Variants in ZBTB20 observed in about 807,000 individuals in gnomAD.
ZBTB20 encodes zinc finger and BTB domain containing 20.
ZBTB20 carries 9 observed loss-of-function variants against 56.9 expected under a neutral mutation model. The observed-to-expected ratio is 0.16, with a 90% CI of 0.10 to 0.28. The LOEUF (loss-of-function observed/expected upper bound fraction) is 0.28, where lower values mean the gene tolerates loss of function less well. Among genes scored for constraint, ZBTB20 ranks in the 10% least tolerant of loss-of-function variants. The pLI is 1.00. For missense variants in ZBTB20, 655 were observed against 1,003.0 expected, an observed-to-expected ratio of 0.65 and a Z score of 4.69; for synonymous variants, 417 against 420.7, an observed-to-expected ratio of 0.99 and a Z score of 0.11.
intron 4 of ZBTB20, among the ~76,000 whole-genome samples, chr3:114,864,186 T>C (rs2075662033): frequency 1.3e-5 from 2 of 152,096 alleles, no homozygotes; most frequent in Non-Finnish European, 2.9e-5. Context: ...AGCATTCCCT[T>C]TCTGTTTGTA....
chr3:115,099,482 A>AAAT, intron 1 of ZBTB20, among the ~76,000 whole-genome samples: 1 of 152,200 alleles, frequency 6.6e-6, no homozygotes, highest in Non-Finnish European at 1.5e-5. Flanking sequence ...AGAAAACAGA[A>AAAT]TACCTTATTT....
chr3:115,112,995 T>C (rs1245328960), intron 1 of ZBTB20, among the ~76,000 whole-genome samples: 5 of 152,302 alleles, frequency 3.3e-5, no homozygotes, highest in Middle Eastern at 3.4e-3. Flanking sequence ...TTCTGACCAG[T>C]GTAAGATGTT....
chr3:114,586,989 C>CTTTTT (rs1195918426), intron 6 of ZBTB20, among the ~76,000 whole-genome samples: 41 of 77,004 alleles, frequency 5.3e-4, no homozygotes, highest in Non-Finnish European at 7.1e-4. Flanking sequence ...GTATAACTCC[C>CTTTTT]TTTTTTTTTT....
chr3:114,598,416 A>AAAAAG lies in ZBTB20; in HGVS notation c.-295+95111_-295+95112insCTTTT, dbSNP rs5851930. 2.7e-3 allele frequency among the ~76,000 whole-genome samples: 404 copies of AAAAAG among 150,430 alleles called. 4 individuals are homozygous for AAAAAG. Among genetic ancestry groups the AAAAAG allele is most frequent in the African/African-American group, 9.1e-3 (372 of 41,048 alleles). On this transcript the variant is annotated intron_variant, in intron 6 of 11. Coordinates refer to ENST00000675478, the MANE Select transcript of ZBTB20 (RefSeq NM_001348800.3). Reference sequence around the variant, plus strand: ...TACTGTAAAGTTGCTAAAAAAAAAAATAGACTTAAATGTGCTATATGACAG... The same window carrying AAAAAG: ...TACTGTAAAGTTGCTAAAAAAAAAAAAAAAGTAGACTTAAATGTGCTATATGACAG...
At chr3:114,511,402 G>C (rs2045369938) in intron 6 of ZBTB20, among the ~76,000 whole-genome samples, 1 of 152,070 alleles carries the variant, frequency 6.6e-6, no homozygotes, top group African/African-American at 2.4e-5. Flanking sequence ...GAGTTTTAAA[G>C]ATTTAGACTT....
chr3:115,106,232 CTTTTT>C (rs1271544340), intron 1 of ZBTB20, among the ~76,000 whole-genome samples: 1 of 130,550 alleles, frequency 7.7e-6, no homozygotes, highest in African/African-American at 2.8e-5. Context: ...CACAATAATT[CTTTTT>C]TTTTTTTTTT....
chr3:114,601,166 G>A (rs913906247), intron 6 of ZBTB20, among the ~76,000 whole-genome samples: 2 of 152,016 alleles, frequency 1.3e-5, no homozygotes, highest in South Asian at 2.1e-4. Context: ...AGTAAGAGCC[G>A]ACCTCAGCAT....
At chr3:114,551,445 G>A (rs957979205) in intron 6 of ZBTB20, among the ~76,000 whole-genome samples, 1 of 152,138 alleles carries the variant, frequency 6.6e-6, no homozygotes, top group African/African-American at 2.4e-5. Flanking sequence ...TATTGTGGGC[G>A]GGTGGTATAT....
chr3:114,858,175 T>C (rs1490367206), intron 4 of ZBTB20, among the ~76,000 whole-genome samples: 3 of 152,190 alleles, frequency 2.0e-5, no homozygotes, highest in African/African-American at 7.2e-5. Flanking sequence ...TTCACTTGCA[T>C]ACAACAGTAA....
At chr3:115,098,894 CTG>C (rs1368625695) in intron 1 of ZBTB20, among the ~76,000 whole-genome samples, 2 of 152,262 alleles carry the variant, frequency 1.3e-5, no homozygotes, top group African/African-American at 4.8e-5. Flanking sequence ...AAAAAGATGA[CTG>C]TTATTATCAA....
chr3:114,867,856 A>G (rs2075830718), intron 4 of ZBTB20, among the ~76,000 whole-genome samples: 1 of 152,236 alleles, frequency 6.6e-6, no homozygotes, highest in African/African-American at 2.4e-5. Flanking sequence ...GGAGATGGCA[A>G]TTAAAGCTTT....
At chr3:114,934,230 A>G (rs767301119) in intron 3 of ZBTB20, among the ~76,000 whole-genome samples, 5 of 151,900 alleles carry the variant, frequency 3.3e-5, no homozygotes, top group African/African-American at 7.3e-5. Context: ...AACTTTCCCC[A>G]TTTCTAGACT....
chr3:114,662,854 C>A (rs1251069983), intron 6 of ZBTB20, among the ~76,000 whole-genome samples: 1 of 152,036 alleles, frequency 6.6e-6, no homozygotes, highest in Non-Finnish European at 1.5e-5. Flanking sequence ...GTTGCCTGTT[C>A]ACTCTGATGG....
At chr3:115,010,341 G>T (rs933251471) in intron 2 of ZBTB20, among the ~76,000 whole-genome samples, 26 of 151,946 alleles carry the variant, frequency 1.7e-4, no homozygotes, top group African/African-American at 6.3e-4. Flanking sequence ...CTGGCTTCAG[G>T]TCTGACCCAA....
intron 4 of ZBTB20, among the ~76,000 whole-genome samples, chr3:114,860,091 G>A (rs527463220): frequency 1.3e-5 from 2 of 152,026 alleles, no homozygotes; most frequent in Non-Finnish European, 2.9e-5. Context: ...GGTGGATCAC[G>A]ACGTCAGGAG....
At chr3:114,485,014 G>A (rs1373260015) in intron 7 of ZBTB20, among the ~76,000 whole-genome samples, 1 of 152,152 alleles carries the variant, frequency 6.6e-6, no homozygotes, top group Non-Finnish European at 1.5e-5. Context: ...GGAAATAAAG[G>A]ATTGATTTGG....
At chr3:115,025,428 T>C (rs1469558734) in intron 2 of ZBTB20, among the ~76,000 whole-genome samples, 1 of 151,314 alleles carries the variant, frequency 6.6e-6, no homozygotes, top group Non-Finnish European at 1.5e-5. Flanking sequence ...TGTGTCTTTA[T>C]AATAGAATGA....
At chr3:115,057,762 T>A (rs2081860140) in intron 2 of ZBTB20, among the ~76,000 whole-genome samples, 2 of 152,202 alleles carry the variant, frequency 1.3e-5, no homozygotes, top group Admixed American at 1.3e-4. Context: ...TCAGCTTTTA[T>A]GTCCCCAAAA....
intron 7 of ZBTB20, among the ~76,000 whole-genome samples, chr3:114,453,929 C>CA (rs1280853977): frequency 8.3e-6 from 1 of 120,642 alleles, no homozygotes; most frequent in Non-Finnish European, 1.8e-5. Flanking sequence ...ACTCCCCCCC[C>CA]CCCCACCCTT....
Sources: allele counts gnomAD v4.1 joint callset (sites outside exome capture counted in the v4.1 genomes callset), GRCh38; gene constraint gnomAD v4.1.1; transcripts MANE v1.5; gene names NCBI Gene and HGNC (gene_info 2026-07-23, HGNC 2026-07-21).